The following TP63 variants were observed in gnomAD, a reference collection of about 807,000 sequenced individuals.
TP63 encodes the protein tumor protein p63, also known as tumor protein 63.
A neutral mutation model predicts 82.8 loss-of-function variants in TP63; 17 were observed. The observed-to-expected ratio is 0.21, with a 90% CI of 0.14 to 0.31. The LOEUF (loss-of-function observed/expected upper bound fraction) is 0.31, where lower values mean the gene tolerates loss of function less well. Among genes scored for constraint, TP63 ranks in the 10% least tolerant of loss-of-function variants. The pLI is 1.00. For missense variants in TP63, 648 were observed against 895.3 expected (o/e 0.72, Z 3.52); for synonymous variants, 330 against 321.7 (o/e 1.03, Z -0.28).
At chr3:189,693,320 G>A (rs149753241) in intron 1 of TP63, among the ~76,000 whole-genome samples, 22 of 152,184 alleles carry the variant, frequency 1.4e-4, no homozygotes, top group African/African-American at 4.1e-4. Flanking sequence ...TCTTCCCTAC[G>A]TTCGTATTCT....
chr3:189,677,689 G>T (rs1445294513), intron 1 of TP63, among the ~76,000 whole-genome samples: 2 of 151,804 alleles, frequency 1.3e-5, no homozygotes, highest in Non-Finnish European at 2.9e-5. Flanking sequence ...TGCCATAAAG[G>T]TTGCACTAAT....
the TP63 span, among the ~76,000 whole-genome samples, chr3:189,606,335 A>G: frequency 6.6e-6 from 1 of 152,114 alleles, no homozygotes; most frequent in Non-Finnish European, 1.5e-5. Context: ...ATTAAAATCA[A>G]CAGTTCATGG....
chr3:189,688,353 C>T (rs533196226), intron 1 of TP63, among the ~76,000 whole-genome samples: 1 of 152,238 alleles, frequency 6.6e-6, no homozygotes, highest in East Asian at 1.9e-4. Context: ...GGATATAATC[C>T]TTCCTAAGAT....
At chr3:189,822,423 A>G (rs1376547286) in intron 4 of TP63, among the ~76,000 whole-genome samples, 1 of 152,214 alleles carries the variant, frequency 6.6e-6, no homozygotes, top group African/African-American at 2.4e-5. Flanking sequence ...TTTAATCTGA[A>G]ATGGTCCATA....
chr3:189,646,055 A>G (rs1457091436), intron 1 of TP63, among the ~76,000 whole-genome samples: 1 of 147,472 alleles, frequency 6.8e-6, no homozygotes, highest in Non-Finnish European at 1.5e-5. Context: ...AACACATTCA[A>G]TTTGAGAAGC....
At chr3:189,805,845 T>C (rs1347697111) in intron 3 of TP63, among the ~76,000 whole-genome samples, 3 of 152,158 alleles carry the variant, frequency 2.0e-5, no homozygotes, top group African/African-American at 7.2e-5. Flanking sequence ...AAAGGGAGAC[T>C]GAGGAAATGT....
At chr3:189,676,018 A>G (rs929106846) in intron 1 of TP63, among the ~76,000 whole-genome samples, 2 of 152,058 alleles carry the variant, frequency 1.3e-5, no homozygotes, top group African/African-American at 2.4e-5. Flanking sequence ...GTTCAGCTTT[A>G]TTGTGATATA....
intron 4 of TP63, among the ~76,000 whole-genome samples, chr3:189,828,067 C>T (rs546561141): frequency 6.6e-6 from 1 of 152,116 alleles, no homozygotes; most frequent in South Asian, 2.1e-4. Flanking sequence ...ATGATGAAAC[C>T]CTTTCTCTAC....
chr3:189,881,625 T>C (rs1329698435), intron 10 of TP63: 1 of 702,512 alleles, frequency 1.4e-6, no homozygotes, highest in East Asian at 1.3e-4. Context: ...CATCACTTTG[T>C]TCCTACGTAC....
At chr3:189,831,052 G>T (rs1301914896) in intron 4 of TP63, among the ~76,000 whole-genome samples, 2 of 152,142 alleles carry the variant, frequency 1.3e-5, no homozygotes, top group Non-Finnish European at 2.9e-5. Flanking sequence ...TGCGAGGGCA[G>T]CCTGTATTTC....
rs373737568 is a variant in TP63 at position 189,692,830 on chromosome 3, A to C, written c.63-44910A>C. ...ATCTGTTTACTGAACTCCTTCTCAA[A>C]ACGTGTCTTTTCTCTCTCCTTCAGG... is the stretch of plus-strand genomic sequence containing the variant. On this transcript the variant is annotated intron_variant, in intron 1 of 13. Coordinates refer to ENST00000264731, the MANE Select transcript of TP63 (RefSeq NM_003722.5). 3.9e-5 allele frequency among the ~76,000 whole-genome samples: 6 copies of C among 152,256 alleles called. No individual in the cohort carries two copies. In the East Asian group the frequency reaches 5.8e-4, roughly 15 times the overall value.
chr3:189,603,123 G>A, the TP63 span, among the ~76,000 whole-genome samples: 1 of 152,124 alleles, frequency 6.6e-6, no homozygotes, highest in African/African-American at 2.4e-5. Flanking sequence ...TAAGAAGGTT[G>A]AAAACCAGTT....
intron 1 of TP63, among the ~76,000 whole-genome samples, chr3:189,670,915 CA>C (rs1207045346): frequency 1.3e-5 from 2 of 151,932 alleles, no homozygotes; most frequent in Non-Finnish European, 2.9e-5. Flanking sequence ...ATGTAAGATA[CA>C]AAATGATAAA....
At chr3:189,822,498 T>C (rs1017834905) in intron 4 of TP63, among the ~76,000 whole-genome samples, 4 of 152,164 alleles carry the variant, frequency 2.6e-5, no homozygotes, top group African/African-American at 9.7e-5. Context: ...AAATATATAT[T>C]TCAATATAGG....
At chr3:189,607,745 C>A in the TP63 span, among the ~76,000 whole-genome samples, 6 of 151,478 alleles carry the variant, frequency 4.0e-5, no homozygotes, top group Admixed American at 2.6e-4. Flanking sequence ...TAAGCCAAAC[C>A]CAGGAGGAAA....
the TP63 span, among the ~76,000 whole-genome samples, chr3:189,625,411 A>C: frequency 6.6e-6 from 1 of 152,030 alleles, no homozygotes; most frequent in Admixed American, 6.6e-5. Flanking sequence ...TGTGTTACGA[A>C]ACACAAAGAA....
rs1560151447 is a variant in TP63 at position 189,743,924 on chromosome 3, A to ATGG, written c.324+5150_324+5151insTGG. ...AGCCCTTTGACCATCATGGGCCCTG[A>ATGG]GACTAACATAAGGAGCTGAAGACTA... On this transcript the variant is annotated intron_variant, in intron 3 of 13. Transcript: ENST00000264731. 5.9e-5 allele frequency among the ~76,000 whole-genome samples: 9 copies of ATGG among 152,240 alleles called. 1 individual carries two copies. In the South Asian group the frequency reaches 1.9e-3, roughly 32 times the overall value.
intron 1 of TP63, among the ~76,000 whole-genome samples, chr3:189,711,497 G>A (rs901202588): frequency 3.3e-5 from 5 of 152,264 alleles, no homozygotes; most frequent in East Asian, 1.9e-4. Flanking sequence ...CCACAGGAAC[G>A]TGGGGAAAAA....
chr3:189,783,394 G>C (rs1215320017), intron 3 of TP63, among the ~76,000 whole-genome samples: 1 of 151,854 alleles, frequency 6.6e-6, no homozygotes. Flanking sequence ...TGGTGTCTAC[G>C]TGTAGTTTCT....
Sources: allele counts gnomAD v4.1 joint callset (sites outside exome capture counted in the v4.1 genomes callset), GRCh38; gene constraint gnomAD v4.1.1; transcripts MANE v1.5; gene names NCBI Gene and HGNC (gene_info 2026-07-23, HGNC 2026-07-21).